The following NRG3 variants were observed in gnomAD, a reference collection of about 807,000 sequenced individuals.
The protein encoded by NRG3 is pro-neuregulin-3, membrane-bound isoform.
NRG3 carries 31 observed loss-of-function variants against 66.9 expected under a neutral mutation model. The observed-to-expected ratio is 0.46, with a 90% CI of 0.35 to 0.63. The LOEUF (loss-of-function observed/expected upper bound fraction) is 0.63. Among genes scored for constraint, NRG3 ranks in the 20% least tolerant of loss-of-function variants. NRG3 has a pLI of 0.00. For synonymous variants in NRG3, 393 were observed against 359.4 expected (o/e 1.09, Z -1.06); for missense variants, 910 against 878.9 (o/e 1.04, Z -0.45).
chr10:82,782,568 A>G (rs1314426349), intron 3 of NRG3, among the ~76,000 whole-genome samples: 3 of 152,156 alleles, frequency 2.0e-5, no homozygotes, highest in Non-Finnish European at 2.9e-5. Flanking sequence ...TATAACAAAT[A>G]CCTGAAAATG....
At chr10:82,508,281 T>G (rs1466905268) in intron 2 of NRG3, among the ~76,000 whole-genome samples, 1 of 152,208 alleles carries the variant, frequency 6.6e-6, no homozygotes. Flanking sequence ...TATGGGGAGT[T>G]AGAGTATATC....
intron 1 of NRG3, among the ~76,000 whole-genome samples, chr10:81,994,138 C>T (rs1468804604): frequency 6.6e-6 from 1 of 152,128 alleles, no homozygotes; most frequent in East Asian, 1.9e-4. Flanking sequence ...TCATTCCTCT[C>T]AGTAGTGTAT....
chr10:82,833,733 G>A (rs1419309534), intron 3 of NRG3, among the ~76,000 whole-genome samples: 1 of 152,168 alleles, frequency 6.6e-6, no homozygotes, highest in Non-Finnish European at 1.5e-5. Flanking sequence ...AGCACTACGT[G>A]CCATGACACA....
intron 2 of NRG3, among the ~76,000 whole-genome samples, chr10:82,624,308 T>C (rs1033034699): frequency 3.3e-5 from 5 of 152,212 alleles, no homozygotes; most frequent in Non-Finnish European, 5.9e-5. Context: ...ATTGACTTGC[T>C]GTGTAACTCA....
chr10:82,664,405 T>C (rs954405223), intron 2 of NRG3, among the ~76,000 whole-genome samples: 10 of 152,128 alleles, frequency 6.6e-5, no homozygotes, highest in Middle Eastern at 3.2e-3. Context: ...TTTTCATCAG[T>C]GGTAGATTAG....
At chr10:82,947,708 T>C (rs1849150126) in intron 4 of NRG3, among the ~76,000 whole-genome samples, 1 of 152,132 alleles carries the variant, frequency 6.6e-6, no homozygotes, top group African/African-American at 2.4e-5. Context: ...AGGTACTTAT[T>C]TGTCATCCAG....
chr10:81,987,030 T>C (rs2060548014), intron 1 of NRG3, among the ~76,000 whole-genome samples: 2 of 152,168 alleles, frequency 1.3e-5, no homozygotes, highest in African/African-American at 4.8e-5. Context: ...ATAGCACATA[T>C]AACTTTGAAA....
intron 1 of NRG3, among the ~76,000 whole-genome samples, chr10:81,956,711 C>T (rs1207444752): frequency 6.6e-6 from 1 of 152,028 alleles, no homozygotes; most frequent in Non-Finnish European, 1.5e-5. Flanking sequence ...TTATATTTTC[C>T]AAGTAGAAGC....
At chr10:82,248,576 T>A (rs1415737321) in intron 1 of NRG3, among the ~76,000 whole-genome samples, 1 of 152,164 alleles carries the variant, frequency 6.6e-6, no homozygotes, top group Non-Finnish European at 1.5e-5. Context: ...AATAATAGTA[T>A]CTATTTTTTG....
intron 1 of NRG3, among the ~76,000 whole-genome samples, chr10:81,919,959 G>A (rs1168514217): frequency 6.6e-6 from 1 of 152,164 alleles, no homozygotes; most frequent in Non-Finnish European, 1.5e-5. Context: ...GCTACTGCTA[G>A]CCACATCTGA....
intron 1 of NRG3, among the ~76,000 whole-genome samples, chr10:82,082,995 A>G (rs1208968522): frequency 6.6e-6 from 1 of 151,340 alleles, no homozygotes; most frequent in Non-Finnish European, 1.5e-5. Flanking sequence ...GCTAGGGTGC[A>G]GTGGTACAAT....
In NRG3 at chr10:82,985,496, C is replaced by A. The variant is rs1053087234; in HGVS notation, c.1982C>A (p.Ala661Glu). ...GCCAGCGTAGAAACCGAGGACAGTG[C>A]AAGCGAAAACACAGCCTTTCTCCCC... ...ELASVETEDSASENTAFLPLS... is the reference protein window; with the variant it reads ...ELASVETEDSESENTAFLPLS... Residue 661 changes from alanine (A) to glutamate (E), a missense_variant, in exon 9 of 9, where the codon GCA (alanine) becomes GAA (glutamate). Ala to Glu is a moderately radical substitution (Grantham distance 107). Transcript: ENST00000372141. 4 of 1,613,928 alleles carry A rather than the reference C, an allele frequency of 2.5e-6. No homozygotes were observed. The highest frequency in any genetic ancestry group is 1.7e-5 in the Admixed American group (1 of 59,982).
chr10:82,700,539 G>A (rs2055785662), intron 2 of NRG3, among the ~76,000 whole-genome samples: 1 of 152,152 alleles, frequency 6.6e-6, no homozygotes, highest in Non-Finnish European at 1.5e-5. Flanking sequence ...AGGCAAACAT[G>A]ATGTTTTATA....
chr10:82,164,882 A>C (rs558082979), intron 1 of NRG3, among the ~76,000 whole-genome samples: 1 of 152,276 alleles, frequency 6.6e-6, no homozygotes, highest in South Asian at 2.1e-4. Context: ...TAAATCAACT[A>C]GTAAAGGAGA....
At position 82,391,936 on chromosome 10, in the gene NRG3, G is replaced by T. The variant is rs192702186; in HGVS notation, c.953+33068G>T. Among the ~76,000 whole-genome samples, 8 of 136,786 alleles carry T rather than the reference G, an allele frequency of 5.8e-5. No homozygotes were observed. The South Asian group carries it at 9.3e-4, about 16-fold the overall frequency. 89.7% of individuals were successfully genotyped at this position (136,786 alleles called of 152,430 possible). On this transcript the variant is annotated intron_variant, in intron 2 of 8. Transcript: ENST00000372141. Reference sequence around the variant, plus strand: ...GGTTGCCTCTTTTTTCTCTCTCTTGGTTGTAGCAATTCTCATCAGTAGTGC... The same window carrying T: ...GGTTGCCTCTTTTTTCTCTCTCTTGTTTGTAGCAATTCTCATCAGTAGTGC...
intron 3 of NRG3, among the ~76,000 whole-genome samples, chr10:82,763,624 C>G (rs1363494068): frequency 2.6e-5 from 4 of 151,882 alleles, no homozygotes; most frequent in African/African-American, 9.7e-5. Context: ...TACTTGGAAA[C>G]CCCAAGATAA....
At chr10:82,246,243 A>G (rs2077238721) in intron 1 of NRG3, among the ~76,000 whole-genome samples, 1 of 152,130 alleles carries the variant, frequency 6.6e-6, no homozygotes, top group Non-Finnish European at 1.5e-5. Context: ...CATCTCCCTT[A>G]TCTGAAGACA....
chr10:81,917,335 T>C (rs1845803231), intron 1 of NRG3, among the ~76,000 whole-genome samples: 2 of 152,198 alleles, frequency 1.3e-5, no homozygotes, highest in Non-Finnish European at 2.9e-5. Context: ...TCTCTTTTGA[T>C]TATAGTTATA....
chr10:82,357,614 G>A, intron 1 of NRG3, among the ~76,000 whole-genome samples: 1 of 152,162 alleles, frequency 6.6e-6, no homozygotes, highest in East Asian at 1.9e-4. Context: ...GTAAGAGCAT[G>A]TCAACTCAGT....
Sources: gnomAD v4.1 joint callset for allele counts (sites outside exome capture counted in the v4.1 genomes callset) on GRCh38, gnomAD v4.1.1 for gene constraint, MANE v1.5 for transcripts, NCBI Gene and HGNC (gene_info 2026-07-23, HGNC 2026-07-21) for gene names.